The following GPR83 variants were observed in gnomAD, a reference collection of about 807,000 sequenced individuals.
GPR83 encodes the protein G-protein coupled receptor 72.
In GPR83, 23 loss-of-function variants were observed where a neutral mutation model predicts 28.0. The ratio of observed to expected loss-of-function variants is 0.82; its 90% confidence interval spans 0.59 to 1.16. The LOEUF (loss-of-function observed/expected upper bound fraction) is 1.16. Ranked by LOEUF, GPR83 falls within the 50% of genes most tolerant of loss-of-function variation. GPR83 has a pLI of 0.00. For synonymous variants in GPR83, 234 were observed against 215.4 expected (o/e 1.09, Z -0.76); for missense variants, 610 against 536.6 (o/e 1.14, Z -1.35).
chr11:94,381,049 T>C (rs1217307788), intron 3 of GPR83, among the ~76,000 whole-genome samples: 1 of 152,132 alleles, frequency 6.6e-6, no homozygotes, highest in Non-Finnish European at 1.5e-5. Flanking sequence ...CCAATACATA[T>C]TTGTTGAATA....
chr11:94,381,688 C>T (rs1474776920), intron 3 of GPR83, among the ~76,000 whole-genome samples: 1 of 152,028 alleles, frequency 6.6e-6, no homozygotes, highest in Non-Finnish European at 1.5e-5. Flanking sequence ...CACCTGTGAT[C>T]TTCTAGGTGC....
chr11:94,380,404 G>A lies in GPR83; in HGVS notation c.1017C>T (p.Cys339=), dbSNP rs754369373. ...AFHWFAMSST[C]YNPFIYCWLN... ...GCCAGCAGTATATGAAGGGGTTATAGCAGGTGCTGCTCATGGCAAACCAGT... is the reference window on the plus strand; with the variant it reads ...GCCAGCAGTATATGAAGGGGTTATAACAGGTGCTGCTCATGGCAAACCAGT... The change falls in exon 4 of 4, where the codon TGC becomes TGT. Residue 339 remains cysteine, a synonymous_variant. Coordinates refer to ENST00000243673, the MANE Select transcript of GPR83 (RefSeq NM_016540.4). The A allele has an allele frequency of 6.2e-7, 1 of 1,614,196 alleles. No individual in the cohort carries two copies. Among genetic ancestry groups the A allele is most frequent in the South Asian group, 1.1e-5 (1 of 91,078 alleles).
In GPR83 at chr11:94,393,525, G is replaced by A; in HGVS notation, c.607C>T (p.Pro203Ser). The change falls in exon 3 of 4, where the codon CCA (proline) becomes TCA (serine). Residue 203 changes from proline to serine, a missense_variant. Pro to Ser is a moderately conservative substitution (Grantham distance 74). Coordinates refer to ENST00000243673, the MANE Select transcript of GPR83 (RefSeq NM_016540.4). ...AATAATTTCTGGCAGATAGCATGTG[G>A]GAGTGAAAAGAACGTAGCCATGGTC... ...IWTMATFFSL[P>S]HAICQKLFTF... 1 of 1,613,888 alleles carries A rather than the reference G, an allele frequency of 6.2e-7. No individual in the cohort carries two copies.
intron 3 of GPR83, among the ~76,000 whole-genome samples, chr11:94,382,284 G>A (rs1427871700): frequency 4.7e-5 from 7 of 147,876 alleles, no homozygotes; most frequent in Admixed American, 2.7e-4. Flanking sequence ...CAGAGGTTGC[G>A]GTGAGCTGAG....
chr11:94,382,715 A>G (rs970955061), intron 3 of GPR83, among the ~76,000 whole-genome samples: 2 of 152,176 alleles, frequency 1.3e-5, no homozygotes, highest in East Asian at 3.9e-4. Flanking sequence ...TCCACCCCAA[A>G]TCAACAGAAT....
intron 3 of GPR83, 68 bp from the exon 4 acceptor site, chr11:94,380,841 TCCCAA>T: frequency 2.8e-6 from 4 of 1,415,586 alleles, no homozygotes; most frequent in Non-Finnish European, 3.8e-6. Flanking sequence ...AAAGGCTTCA[TCCCAA>T]GAAGCACTGG....
chr11:94,392,491 T>C (rs1944826421), intron 3 of GPR83, among the ~76,000 whole-genome samples: 1 of 151,924 alleles, frequency 6.6e-6, no homozygotes, highest in Admixed American at 6.6e-5. Flanking sequence ...TAAAAAGACA[T>C]ACCAGTGACC....
intron 3 of GPR83, among the ~76,000 whole-genome samples, chr11:94,386,872 A>T (rs1944762440): frequency 6.6e-6 from 1 of 152,232 alleles, no homozygotes; most frequent in Non-Finnish European, 1.5e-5. Flanking sequence ...AACAGATTAC[A>T]CATTCTTCTC....
chr11:94,393,767 A>G (rs746115474), intron 2 of GPR83, 149 bp from the exon 3 acceptor site: 21 of 635,302 alleles, frequency 3.3e-5, no homozygotes, highest in Non-Finnish European at 5.3e-5. Context: ...TCTAGACCAG[A>G]CTGGGCAACA....
chr11:94,397,092 T>C (rs755217712), intron 1 of GPR83, among the ~76,000 whole-genome samples: 1 of 152,142 alleles, frequency 6.6e-6, no homozygotes, highest in East Asian at 1.9e-4. Context: ...CAACATAGCA[T>C]GTGGGCTGTG....
intron 1 of GPR83, 90 bp from the exon 2 acceptor site, chr11:94,396,614 G>T: frequency 7.6e-7 from 1 of 1,307,974 alleles, no homozygotes; most frequent in Non-Finnish European, 1.1e-6. Flanking sequence ...GCCCTTAGGG[G>T]GATTCCTCCA....
At chr11:94,383,962 A>G (rs1565184483) in intron 3 of GPR83, among the ~76,000 whole-genome samples, 1 of 152,236 alleles carries the variant, frequency 6.6e-6, no homozygotes. Context: ...AAAAAGAAGG[A>G]ATCCTCCTTA....
intron 3 of GPR83, among the ~76,000 whole-genome samples, chr11:94,384,313 G>C (rs926515384): frequency 6.6e-6 from 1 of 152,124 alleles, no homozygotes; most frequent in Non-Finnish European, 1.5e-5. Context: ...TCAATAAACT[G>C]GGTATCGATG....
chr11:94,390,087 G>T (rs944001953), intron 3 of GPR83, among the ~76,000 whole-genome samples: 1 of 151,574 alleles, frequency 6.6e-6, no homozygotes, highest in African/African-American at 2.4e-5. Flanking sequence ...ACCAAACACC[G>T]CATGTTCTCA....
intron 3 of GPR83, among the ~76,000 whole-genome samples, chr11:94,384,067 A>G (rs576106639): frequency 1.3e-5 from 2 of 152,362 alleles, no homozygotes; most frequent in South Asian, 4.2e-4. Flanking sequence ...CCTGAGGAAC[A>G]TGAATGCGAA....
Position 94,380,062 on chromosome 11 carries a change from C to A in GPR83, c.*87G>T. ...AGCTTCTGCAGGAGTGTGTTTCCAG[C>A]ACTCTGAAGATCATGTGTGAGAATA... On this transcript the variant is annotated 3_prime_UTR_variant, in exon 4 of 4. Transcript: ENST00000243673. The A allele has an allele frequency of 1.9e-6, 2 of 1,079,134 alleles. No homozygotes were observed. The highest frequency in any genetic ancestry group is 2.6e-6 in the Non-Finnish European group (2 of 763,028). 66.8% of individuals were successfully genotyped at this position (1,079,134 alleles called of 1,614,324 possible).
intron 3 of GPR83, among the ~76,000 whole-genome samples, chr11:94,389,183 T>A (rs1258761351): frequency 1.3e-5 from 2 of 152,160 alleles, no homozygotes; most frequent in Non-Finnish European, 2.9e-5. Context: ...TCAAGATGGA[T>A]TAAAGACTTA....
intron 1 of GPR83, 66 bp downstream of exon 1, chr11:94,400,795 C>T: frequency 6.7e-7 from 1 of 1,498,874 alleles, no homozygotes; most frequent in Non-Finnish European, 9.2e-7. Flanking sequence ...AGAGGGAGGC[C>T]AGAGAACTGA....
At chr11:94,387,069 G>T (rs1277906854) in intron 3 of GPR83, among the ~76,000 whole-genome samples, 1 of 152,182 alleles carries the variant, frequency 6.6e-6, no homozygotes, top group East Asian at 1.9e-4. Flanking sequence ...ACCTGCTCCT[G>T]AATGACTACT....
Sources: gnomAD v4.1 joint callset for allele counts (sites outside exome capture counted in the v4.1 genomes callset) on GRCh38, gnomAD v4.1.1 for gene constraint, MANE v1.5 for transcripts, NCBI Gene and HGNC (gene_info 2026-07-23, HGNC 2026-07-21) for gene names.